Variants in CDC42SE2 observed in about 807,000 individuals in gnomAD.
CDC42SE2 encodes the protein CDC42 small effector 2, also known as CDC42 small effector protein 2.
CDC42SE2 carries 3 observed loss-of-function variants against 11.5 expected under a neutral mutation model. The ratio of observed to expected loss-of-function variants is 0.26; its 90% CI spans 0.12 to 0.67. CDC42SE2 has a LOEUF of 0.67. Among genes scored for constraint, CDC42SE2 ranks in the 30% least tolerant of loss-of-function variants. The pLI is 0.80. For missense variants in CDC42SE2, 82 were observed against 106.8 expected (o/e 0.77, Z 1.02); for synonymous variants, 33 against 34.8 (o/e 0.95, Z 0.18).
chr5:131,319,459 C>G (rs1035988138), intron 2 of CDC42SE2, among the ~76,000 whole-genome samples: 1 of 152,032 alleles, frequency 6.6e-6, no homozygotes, highest in Non-Finnish European at 1.5e-5. Context: ...CTGTTGTACC[C>G]CCATAGACAG....
intron 1 of CDC42SE2, among the ~76,000 whole-genome samples, chr5:131,303,902 T>C (rs1296972949): frequency 6.6e-6 from 1 of 152,198 alleles, no homozygotes; most frequent in Non-Finnish European, 1.5e-5. Flanking sequence ...ACTGATTATC[T>C]TGGAGACTAG....
chr5:131,279,705 C>G (rs1370425439), intron 1 of CDC42SE2, among the ~76,000 whole-genome samples: 1 of 152,054 alleles, frequency 6.6e-6, no homozygotes, highest in Non-Finnish European at 1.5e-5. Context: ...TCTACCTTCT[C>G]CCCCAGTTCT....
In CDC42SE2 at chr5:131,390,747, C is replaced by T. The variant is rs552663991; in HGVS notation, c.157-246C>T. On this transcript the variant is annotated intron_variant, in intron 4 of 4. Transcript: ENST00000505065. ...ATGTTACCAAGTGCCTTGTGAATTA[C>T]AAAACTGACTTTTGTAATTTGGAAA... is the stretch of plus-strand genomic sequence containing the variant. 7.6e-4 allele frequency among the ~76,000 whole-genome samples: 115 copies of T among 152,178 alleles called. 1 individual carries two copies. The highest frequency in any genetic ancestry group is 3.4e-3 in the Middle Eastern group (1 of 294).
rs115068770 is a variant in CDC42SE2 at position 131,385,318 on chromosome 5, A to G, written c.55-225A>G. Among the ~76,000 whole-genome samples the G allele has an allele frequency of 3.7e-3, 571 of 152,336 alleles. 2 individuals are homozygous for G. The highest frequency in any genetic ancestry group is 0.013 in the African/African-American group (545 of 41,572). ...ATGTGGATGACCAAAGCTAGACCAA[A>G]TAATCTATTAAGCTCTAAATAATAA... On this transcript the variant is annotated intron_variant, in intron 3 of 4. Transcript: ENST00000505065.
At chr5:131,363,686 T>A (rs575001852) in intron 3 of CDC42SE2, among the ~76,000 whole-genome samples, 10 of 147,810 alleles carry the variant, frequency 6.8e-5, no homozygotes, top group Admixed American at 5.4e-4. Context: ...CTTTTTTTTT[T>A]CTCTTACTCT....
At chr5:131,390,864 T>A (rs930084366) in intron 4 of CDC42SE2, 129 bp from the exon 5 acceptor site, 6 of 457,592 alleles carry the variant, frequency 1.3e-5, no homozygotes, top group African/African-American at 2.1e-5. Flanking sequence ...TATAAAAAAA[T>A]TTTTGTCTAT....
intron 2 of CDC42SE2, among the ~76,000 whole-genome samples, chr5:131,329,162 A>G (rs994790772): frequency 2.0e-5 from 3 of 152,162 alleles, no homozygotes; most frequent in African/African-American, 7.2e-5. Flanking sequence ...GTTGCTGCCA[A>G]TTTCTGTGGC....
intron 2 of CDC42SE2, among the ~76,000 whole-genome samples, chr5:131,334,341 T>C (rs1359774757): frequency 6.6e-6 from 1 of 152,214 alleles, no homozygotes; most frequent in African/African-American, 2.4e-5. Flanking sequence ...ATAAGCTTTT[T>C]GATGTGTTGC....
At chr5:131,311,857 C>A (rs1757923712) in intron 1 of CDC42SE2, among the ~76,000 whole-genome samples, 1 of 151,894 alleles carries the variant, frequency 6.6e-6, no homozygotes, top group South Asian at 2.1e-4. Flanking sequence ...AATTTTTTTT[C>A]AAAGTTTTCA....
chr5:131,213,561 G>A, the CDC42SE2 span, among the ~76,000 whole-genome samples: 7 of 152,054 alleles, frequency 4.6e-5, no homozygotes, highest in Non-Finnish European at 1.0e-4. Flanking sequence ...TGATCCTCCT[G>A]CCTCAGCCTC....
At chr5:131,289,270 T>C (rs1411654516) in intron 1 of CDC42SE2, among the ~76,000 whole-genome samples, 3 of 152,320 alleles carry the variant, frequency 2.0e-5, no homozygotes, top group East Asian at 3.9e-4. Flanking sequence ...TGTTTTCTCA[T>C]CAGAAGTGGT....
chr5:131,356,862 C>T (rs996272546), intron 2 of CDC42SE2, among the ~76,000 whole-genome samples: 7 of 152,094 alleles, frequency 4.6e-5, no homozygotes, highest in African/African-American at 1.7e-4. Flanking sequence ...GATCTGTGAT[C>T]ATGCCACTGC....
At chr5:131,261,267 G>A (rs1438965331), upstream of CDC42SE2, 1 of 152,098 alleles carries the variant, frequency 6.6e-6, no homozygotes, top group Non-Finnish European at 1.5e-5. Context: ...CCTTCTTTTG[G>A]AATAAGATTT....
intron 3 of CDC42SE2, among the ~76,000 whole-genome samples, chr5:131,361,628 T>C (rs1264109006): frequency 6.6e-6 from 1 of 152,240 alleles, no homozygotes; most frequent in Non-Finnish European, 1.5e-5. Context: ...GAAGGCTTTC[T>C]GTATCCTGGG....
rs1338878675 is a variant in CDC42SE2 at position 131,392,708 on chromosome 5, CTTCATCTTATTAAT to C, written c.*1619_*1632del. 3 of 152,356 alleles carry C rather than the reference CTTCATCTTATTAAT, an allele frequency of 2.0e-5. No individual in the cohort carries two copies. Among genetic ancestry groups the C allele is most frequent in the African/African-American group, 7.2e-5 (3 of 41,450 alleles). The allele number at this position is 152,356 out of a possible 1,614,324, so 9.4% of individuals were successfully genotyped here. On this transcript the variant is annotated 3_prime_UTR_variant, in exon 5 of 5. Transcript: ENST00000505065. ...TCTCCTCCAGTCCAATCCTGAGCAT[CTTCATCTTATTAAT>C]TAGCTGTTCGTTTCTTTGTGCACTC... is the stretch of plus-strand genomic sequence containing the variant.
chr5:131,355,815 G>A (rs934787473), intron 2 of CDC42SE2, among the ~76,000 whole-genome samples: 1 of 152,156 alleles, frequency 6.6e-6, no homozygotes, highest in Admixed American at 6.5e-5. Context: ...ATTGCGGGTA[G>A]GATGTTGGAG....
chr5:131,273,316 C>T (rs1452332710), intron 1 of CDC42SE2, among the ~76,000 whole-genome samples: 5 of 149,478 alleles, frequency 3.3e-5, no homozygotes, highest in African/African-American at 1.2e-4. Context: ...TCACCACGCC[C>T]GGCTTATTTT....
chr5:131,249,171 C>T (rs1198620871), intron 1 of CDC42SE2, among the ~76,000 whole-genome samples: 1 of 151,972 alleles, frequency 6.6e-6, no homozygotes, highest in Non-Finnish European at 1.5e-5. Flanking sequence ...GCATACACCA[C>T]CACGCCTGGC....
At chr5:131,336,144 G>A (rs1177090043) in intron 2 of CDC42SE2, among the ~76,000 whole-genome samples, 1 of 152,192 alleles carries the variant, frequency 6.6e-6, no homozygotes, top group Non-Finnish European at 1.5e-5. Context: ...TCCTTCAGGA[G>A]CTCTTTTAGG....
Sources: gnomAD v4.1 joint callset for allele counts (sites outside exome capture counted in the v4.1 genomes callset) on GRCh38, gnomAD v4.1.1 for gene constraint, MANE v1.5 for transcripts, NCBI Gene and HGNC (gene_info 2026-07-23, HGNC 2026-07-21) for gene names.